CNTN6: variants seen among roughly 807,000 people sequenced by gnomAD.
The protein encoded by CNTN6 is contactin 6.
CNTN6 carries 137 observed loss-of-function variants against 122.8 expected under a neutral mutation model. That is an observed-to-expected ratio of 1.12 (90% CI 0.97 to 1.29). The LOEUF (loss-of-function observed/expected upper bound fraction) is 1.29. Ranked by LOEUF, CNTN6 falls within the 50% of genes most tolerant of loss-of-function variation. CNTN6 has a pLI of 0.00. For missense variants in CNTN6, 1,634 were observed against 1,223.4 expected (o/e 1.34, Z -5.01); for synonymous variants, 570 against 426.0 (o/e 1.34, Z -4.16).
chr3:1,329,169 T>C (rs1221778797), intron 10 of CNTN6, among the ~76,000 whole-genome samples: 1 of 151,124 alleles, frequency 6.6e-6, no homozygotes, highest in African/African-American at 2.4e-5. Flanking sequence ...ACATATATAA[T>C]AAATCAGAAA....
chr3:1,239,109 A>C, intron 4 of CNTN6, among the ~76,000 whole-genome samples: 1 of 152,200 alleles, frequency 6.6e-6, no homozygotes, highest in East Asian at 1.9e-4. Flanking sequence ...GAACTGGAAC[A>C]AGATAGGGAT....
In CNTN6 at chr3:1,227,774, T is replaced by C. The variant is rs766261236; in HGVS notation, c.183-44T>C. 1.9e-6 allele frequency: 3 copies of C among 1,577,448 alleles called. No individual in the cohort carries two copies. The Admixed American group carries it at 5.3e-5, about 28-fold the overall frequency. On this transcript the variant is annotated intron_variant, in intron 3 of 22. Coordinates refer to ENST00000446702, the MANE Select transcript of CNTN6 (RefSeq NM_001289080.2). The stretch of plus-strand genomic sequence containing the variant: ...CATGTTTTTTAAGACAAAGATTGAT[T>C]GACTCTGTATATTATAAGCACTTTA...
At chr3:1,180,107 G>T (rs572144173) in intron 2 of CNTN6, among the ~76,000 whole-genome samples, 30 of 152,106 alleles carry the variant, frequency 2.0e-4, no homozygotes, top group African/African-American at 7.0e-4. Context: ...TTTTATTCCA[G>T]CTTTGTTCAT....
chr3:1,350,551 G>A (rs1705463860), intron 11 of CNTN6, among the ~76,000 whole-genome samples: 2 of 151,768 alleles, frequency 1.3e-5, no homozygotes, highest in South Asian at 2.1e-4. Flanking sequence ...CCTCAATGAT[G>A]GCAATTTCAA....
At position 1,374,150 on chromosome 3, in the gene CNTN6, G is replaced by C. The variant is rs144800708; in HGVS notation, c.2095+77G>C. The C allele has an allele frequency of 2.4e-5, 34 of 1,435,350 alleles. No homozygotes were observed. The East Asian group carries it at 8.1e-4, about 34-fold the overall frequency. 88.9% of individuals were successfully genotyped at this position (1,435,350 alleles called of 1,614,324 possible). On this transcript the variant is annotated intron_variant, in intron 16 of 22. Transcript: ENST00000446702. ...CTTAAAACAAAACAAGTATTTTTAT[G>C]TGTCTTCTAATACTTTTGGCTCAAA...
chr3:1,126,785 T>A (rs915966188), intron 1 of CNTN6, among the ~76,000 whole-genome samples: 1 of 151,830 alleles, frequency 6.6e-6, no homozygotes, highest in African/African-American at 2.4e-5. Context: ...ACATTCAGAG[T>A]TACTTCCTGT....
chr3:1,181,530 C>T (rs931425942), intron 2 of CNTN6, among the ~76,000 whole-genome samples: 1 of 151,884 alleles, frequency 6.6e-6, no homozygotes, highest in East Asian at 1.9e-4. Flanking sequence ...TTTAATGAGC[C>T]GAATAACACA....
chr3:1,383,441 A>G (rs369234897), intron 19 of CNTN6, 33 bp downstream of exon 19: 1 of 1,541,336 alleles, frequency 6.5e-7, no homozygotes, highest in South Asian at 1.1e-5. Flanking sequence ...TTGCTTATGA[A>G]TGTGCCAATG....
At chr3:1,099,334 C>T (rs942343912) in intron 1 of CNTN6, among the ~76,000 whole-genome samples, 4 of 151,862 alleles carry the variant, frequency 2.6e-5, no homozygotes, top group African/African-American at 4.8e-5. Context: ...GCCTGTAGTC[C>T]CAGCTACTGG....
chr3:1,366,632 A>G (rs1708257610), intron 12 of CNTN6, among the ~76,000 whole-genome samples: 1 of 152,128 alleles, frequency 6.6e-6, no homozygotes, highest in South Asian at 2.1e-4. Flanking sequence ...AGTCCCTGCA[A>G]GTGTGATTTT....
chr3:1,301,654 A>G (rs1697443343), intron 7 of CNTN6, among the ~76,000 whole-genome samples: 1 of 152,204 alleles, frequency 6.6e-6, no homozygotes, highest in African/African-American at 2.4e-5. Flanking sequence ...GATTATGTTT[A>G]TTAAATGAAG....
intron 1 of CNTN6, among the ~76,000 whole-genome samples, chr3:1,136,579 A>C (rs1266785282): frequency 6.6e-6 from 1 of 152,088 alleles, no homozygotes; most frequent in Admixed American, 6.6e-5. Context: ...TGCTTTTTTT[A>C]AGCCCCATAA....
chr3:1,300,609 GAA>G (rs1697217812), intron 7 of CNTN6, among the ~76,000 whole-genome samples: 1 of 147,574 alleles, frequency 6.8e-6, no homozygotes, highest in Non-Finnish European at 1.5e-5. Flanking sequence ...AAGAAAGAGA[GAA>G]AGAAAGGAAG....
chr3:1,171,655 T>G (rs2093360178), intron 2 of CNTN6, among the ~76,000 whole-genome samples: 2 of 152,210 alleles, frequency 1.3e-5, no homozygotes, highest in African/African-American at 4.8e-5. Flanking sequence ...TTGCCCAGGC[T>G]GGAGTACAGT....
intron 4 of CNTN6, among the ~76,000 whole-genome samples, chr3:1,274,352 T>C (rs2125770709): frequency 6.6e-6 from 1 of 152,262 alleles, no homozygotes; most frequent in Admixed American, 6.5e-5. Flanking sequence ...TGATGTAAAT[T>C]CCTGTATGAG....
intron 2 of CNTN6, among the ~76,000 whole-genome samples, chr3:1,157,605 T>C (rs1474922221): frequency 6.6e-6 from 1 of 152,158 alleles, no homozygotes; most frequent in Non-Finnish European, 1.5e-5. Flanking sequence ...TTTCTAACTT[T>C]TATTTTGTAC....
intron 7 of CNTN6, among the ~76,000 whole-genome samples, chr3:1,302,341 A>G (rs1697577451): frequency 6.6e-6 from 1 of 152,148 alleles, no homozygotes; most frequent in African/African-American, 2.4e-5. Flanking sequence ...AAGATGTTGC[A>G]TAACCTCAAA....
At chr3:1,379,661 A>T (rs1239679758) in intron 17 of CNTN6, among the ~76,000 whole-genome samples, 2 of 152,100 alleles carry the variant, frequency 1.3e-5, no homozygotes, top group African/African-American at 4.8e-5. Flanking sequence ...ACTAAATTAA[A>T]GCCACTTCCT....
chr3:1,179,344 T>A (rs1461586017), intron 2 of CNTN6, among the ~76,000 whole-genome samples: 1 of 151,910 alleles, frequency 6.6e-6, no homozygotes, highest in Admixed American at 6.6e-5. Flanking sequence ...AATCTCGGAG[T>A]CTCTACCCAC....
Sources: gnomAD v4.1 joint callset for allele counts (sites outside exome capture counted in the v4.1 genomes callset) on GRCh38, gnomAD v4.1.1 for gene constraint, MANE v1.5 for transcripts, NCBI Gene and HGNC (gene_info 2026-07-23, HGNC 2026-07-21) for gene names.